Variants in RIPOR2 observed in about 807,000 individuals in gnomAD.
RIPOR2 encodes the protein RHO family interacting cell polarization regulator 2.
RIPOR2 carries 39 observed loss-of-function variants against 114.5 expected under a neutral mutation model. That is an observed-to-expected ratio of 0.34 (90% CI 0.26 to 0.44). The LOEUF (loss-of-function observed/expected upper bound fraction) is 0.44. Among genes scored for constraint, RIPOR2 ranks in the 20% least tolerant of loss-of-function variants. The probability of loss-of-function intolerance (pLI) is 1.00; values close to 1 mark genes in which losing one functional copy is unlikely to be tolerated. For missense variants in RIPOR2, 1,007 were observed against 1,255.1 expected (o/e 0.80, Z 2.99); for synonymous variants, 445 against 484.4 (o/e 0.92, Z 1.07).
rs1336707963 is a variant in RIPOR2, at chr6:24,843,314, G to A, written c.1405C>T (p.Leu469=). The change falls in exon 13 of 22, where the codon CTG becomes TTG. Residue 469 remains leucine, a synonymous_variant. Coordinates refer to ENST00000643898, the MANE Select transcript of RIPOR2 (RefSeq NM_001286445.3). ...GACTTTGGCTCTTGGCCTTCTCCCA[G>A]GGAGTTCCTGGAAGATGCTGAGCTG... ...DTSSASSRNS[L]GEGQEPKSHL... The A allele has an allele frequency of 1.9e-6, 3 of 1,613,854 alleles. No homozygotes were observed. Among genetic ancestry groups the A allele is most frequent in the Non-Finnish European group, 2.5e-6 (3 of 1,179,898 alleles).
intron 9 of RIPOR2, 130 bp from the exon 10 acceptor site, chr6:24,850,852 C>T: frequency 1.9e-6 from 2 of 1,066,784 alleles, no homozygotes; most frequent in Non-Finnish European, 2.8e-6. Context: ...CCCTCCACCC[C>T]CTTACTCTTG....
chr6:25,041,096 C>A (rs1191674630), intron 1 of RIPOR2, among the ~76,000 whole-genome samples: 1 of 152,174 alleles, frequency 6.6e-6, no homozygotes, highest in African/African-American at 2.4e-5. Flanking sequence ...TCATTTTTCT[C>A]ACAACAGAGA....
intron 7 of RIPOR2, among the ~76,000 whole-genome samples, chr6:24,864,671 C>T (rs1219738273): frequency 6.6e-6 from 1 of 152,124 alleles, no homozygotes; most frequent in Non-Finnish European, 1.5e-5. Context: ...GGAGTGAAGA[C>T]CTCTCTATGT....
chr6:24,874,117 A>T (rs542866690), intron 2 of RIPOR2, among the ~76,000 whole-genome samples: 14 of 152,118 alleles, frequency 9.2e-5, no homozygotes, highest in Non-Finnish European at 1.9e-4. Context: ...TGCAGCCTTG[A>T]ACTCCTGGGC....
chr6:24,876,355 AG>A (rs1411539338), intron 1 of RIPOR2, among the ~76,000 whole-genome samples: 1 of 152,138 alleles, frequency 6.6e-6, no homozygotes, highest in Non-Finnish European at 1.5e-5. Context: ...CCATCACTTT[AG>A]GTTTCCTTCA....
chr6:24,964,104 T>C (rs567428896), intron 1 of RIPOR2, among the ~76,000 whole-genome samples: 14 of 151,230 alleles, frequency 9.3e-5, no homozygotes, highest in Non-Finnish European at 1.6e-4. Context: ...AACCAGGAAA[T>C]TGACATTGGT....
intron 1 of RIPOR2, among the ~76,000 whole-genome samples, chr6:24,889,929 T>C (rs940355575): frequency 2.0e-4 from 31 of 152,038 alleles, no homozygotes; most frequent in African/African-American, 7.3e-4. Context: ...TTTCACTCTG[T>C]TGCCCAAGCT....
chr6:24,993,607 T>C (rs557093017), intron 1 of RIPOR2, among the ~76,000 whole-genome samples: 221 of 152,372 alleles, frequency 1.5e-3, no homozygotes, highest in Middle Eastern at 3.4e-3. Context: ...AGGTTAATGG[T>C]GTGTGTGTGC....
At chr6:24,915,278 T>C (rs1769983406) in intron 1 of RIPOR2, among the ~76,000 whole-genome samples, 1 of 152,148 alleles carries the variant, frequency 6.6e-6, no homozygotes, top group Non-Finnish European at 1.5e-5. Context: ...TAGTATAATC[T>C]TTTGGCCTCC....
intron 1 of RIPOR2, among the ~76,000 whole-genome samples, chr6:24,977,352 G>C (rs1256865223): frequency 6.6e-6 from 1 of 151,654 alleles, no homozygotes; most frequent in Non-Finnish European, 1.5e-5. Flanking sequence ...TGTCCTAAAA[G>C]GTCGACAGGA....
At chr6:25,011,565 G>A (rs1775776118) in intron 1 of RIPOR2, among the ~76,000 whole-genome samples, 1 of 152,244 alleles carries the variant, frequency 6.6e-6, no homozygotes, top group Non-Finnish European at 1.5e-5. Context: ...ATTGGATGGT[G>A]TTACATCGGG....
intron 1 of RIPOR2, 24 bp from the exon 2 acceptor site, chr6:24,875,841 G>A (rs770516291): frequency 1.9e-6 from 3 of 1,582,072 alleles, no homozygotes; most frequent in Non-Finnish European, 2.6e-6. Context: ...GAAAGATCAT[G>A]ACAATTTATA....
intron 1 of RIPOR2, among the ~76,000 whole-genome samples, chr6:24,987,171 A>C (rs778369275): frequency 6.6e-5 from 10 of 152,192 alleles, no homozygotes; most frequent in Non-Finnish European, 1.5e-4. Flanking sequence ...CTCTCAACTG[A>C]CTGAGCAAGA....
chr6:24,882,559 A>G (rs893225467), intron 1 of RIPOR2, among the ~76,000 whole-genome samples: 5 of 152,218 alleles, frequency 3.3e-5, no homozygotes, highest in Middle Eastern at 3.2e-3. Flanking sequence ...TACAAGCACA[A>G]AAGCCCTCTC....
chr6:24,875,839 A>T, intron 1 of RIPOR2, 22 bp from the exon 2 acceptor site: 1 of 1,582,350 alleles, frequency 6.3e-7, no homozygotes, highest in Non-Finnish European at 8.6e-7. Context: ...TGGAAAGATC[A>T]TGACAATTTA....
chr6:24,854,124 GAAAAAAA>G (rs56203816), intron 8 of RIPOR2, among the ~76,000 whole-genome samples: 2 of 86,444 alleles, frequency 2.3e-5, no homozygotes, highest in African/African-American at 7.7e-5. Flanking sequence ...GTCTGAAAAA[GAAAAAAA>G]AAAAAAAAAG....
chr6:24,912,467 C>G (rs372629854), intron 1 of RIPOR2, among the ~76,000 whole-genome samples: 1 of 110,268 alleles, frequency 9.1e-6, no homozygotes, highest in Non-Finnish European at 1.9e-5. Flanking sequence ...TGCCCCCCCC[C>G]TTTTTTTTTT....
At chr6:24,824,598 T>C (rs922779229) in intron 19 of RIPOR2, among the ~76,000 whole-genome samples, 1 of 152,242 alleles carries the variant, frequency 6.6e-6, no homozygotes, top group Admixed American at 6.5e-5. Context: ...TCTGGATGGC[T>C]ATTGAATTAA....
At chr6:24,978,285 T>A (rs1774158636) in intron 1 of RIPOR2, among the ~76,000 whole-genome samples, 1 of 152,106 alleles carries the variant, frequency 6.6e-6, no homozygotes, top group African/African-American at 2.4e-5. Context: ...TCACTGAGCC[T>A]GAATGTCCCC....
Sources: allele counts gnomAD v4.1 joint callset (sites outside exome capture counted in the v4.1 genomes callset), GRCh38; gene constraint gnomAD v4.1.1; transcripts MANE v1.5; gene names NCBI Gene and HGNC (gene_info 2026-07-23, HGNC 2026-07-21).